Variants in SNRNP40 observed in about 807,000 individuals in gnomAD.
The protein encoded by SNRNP40 is U5 small nuclear ribonucleoprotein 40 kDa protein.
SNRNP40 carries 21 observed loss-of-function variants against 45.8 expected under a neutral mutation model. The observed-to-expected ratio is 0.46, with a 90% CI of 0.32 to 0.66. The LOEUF is 0.66. Among genes scored for constraint, SNRNP40 ranks in the 30% least tolerant of loss-of-function variants. The pLI, the probability that SNRNP40 is intolerant of heterozygous loss-of-function variation, is 0.03. For synonymous variants in SNRNP40, 142 were observed against 163.8 expected, an observed-to-expected ratio of 0.87 and a Z score of 1.01; for missense variants, 344 against 439.1, an observed-to-expected ratio of 0.78 and a Z score of 1.94.
At chr1:31,285,241 C>G (rs1212206658) in intron 4 of SNRNP40, among the ~76,000 whole-genome samples, 2 of 99,754 alleles carry the variant, frequency 2.0e-5, no homozygotes, top group South Asian at 2.6e-4. Flanking sequence ...TGCCTTATCA[C>G]CTTTTTTTTT....
At chr1:31,261,474 G>T in intron 9 of SNRNP40, 55 bp downstream of exon 9, 2 of 1,158,842 alleles carry the variant, frequency 1.7e-6, no homozygotes, top group South Asian at 1.2e-5. Flanking sequence ...CTATTCCCAG[G>T]ATCCCTACGG....
At chr1:31,280,953 T>A (rs574709532) in intron 5 of SNRNP40, among the ~76,000 whole-genome samples, 29 of 152,152 alleles carry the variant, frequency 1.9e-4, no homozygotes, top group Non-Finnish European at 4.1e-4. Context: ...CATTACCTTC[T>A]CTCATTCTTA....
At chr1:31,285,518 C>G (rs4949376) in intron 4 of SNRNP40, among the ~76,000 whole-genome samples, 7,769 of 152,214 alleles carry the variant, frequency 0.051, 406 homozygotes, top group East Asian at 0.2. Flanking sequence ...GGATTACAGG[C>G]ATAAGCCACT....
intron 7 of SNRNP40, 63 bp from the exon 8 acceptor site, chr1:31,267,995 A>G: frequency 8.7e-7 from 1 of 1,148,238 alleles, no homozygotes; most frequent in South Asian, 1.2e-5. Flanking sequence ...AGGCTACCGA[A>G]TCACTAAGAG....
chr1:31,267,043 T>C (rs764316552), intron 8 of SNRNP40, among the ~76,000 whole-genome samples: 14 of 152,150 alleles, frequency 9.2e-5, no homozygotes, highest in Middle Eastern at 3.4e-3. Flanking sequence ...CAAGAGGTAA[T>C]AGAGAGAGGG....
At chr1:31,292,553 C>T (rs374410821) in intron 2 of SNRNP40, among the ~76,000 whole-genome samples, 17 of 152,230 alleles carry the variant, frequency 1.1e-4, no homozygotes, top group Middle Eastern at 3.4e-3. Flanking sequence ...ATCATCCACC[C>T]GGCACCGAGG....
Position 31,296,693 on chromosome 1 carries a change from T to G in SNRNP40, c.59A>C (p.Gln20Pro). 1 of 1,613,948 alleles carries G rather than the reference T, an allele frequency of 6.2e-7. No individual in the cohort carries two copies. The highest frequency in any genetic ancestry group is 8.5e-7 in the Non-Finnish European group (1 of 1,179,904). ...CGCTCCCAACAGCAACTCATGCCGCTGCCGCTTGACTGGAACCAGCGGCAA... is the reference window on the plus strand; with the variant it reads ...CGCTCCCAACAGCAACTCATGCCGCGGCCGCTTGACTGGAACCAGCGGCAA... ...PELPLVPVKR[Q>P]RHELLLGAGS... The change falls in exon 1 of 10, where the codon CAG (glutamine) becomes CCG (proline). Residue 20 changes from glutamine to proline, a missense_variant. This residue lies in a region of SNRNP40 where 90 missense variants were observed against 58.9 expected (regional missense o/e 1.53). Coordinates refer to ENST00000263694, the MANE Select transcript of SNRNP40 (RefSeq NM_004814.3).
intron 8 of SNRNP40, among the ~76,000 whole-genome samples, chr1:31,264,510 T>C (rs1401788974): frequency 6.6e-6 from 1 of 152,218 alleles, no homozygotes; most frequent in African/African-American, 2.4e-5. Flanking sequence ...TTGCAGATCA[T>C]TTAACTTCTC....
chr1:31,271,012 C>T (rs1396953383), intron 6 of SNRNP40, among the ~76,000 whole-genome samples: 1 of 152,198 alleles, frequency 6.6e-6, no homozygotes, highest in Non-Finnish European at 1.5e-5. Flanking sequence ...ATCATCCAAG[C>T]TTGGTGCTCT....
intron 4 of SNRNP40, among the ~76,000 whole-genome samples, chr1:31,283,605 A>AAACC (rs1402004868): frequency 2.6e-5 from 4 of 152,258 alleles, no homozygotes; most frequent in Admixed American, 6.5e-5. Flanking sequence ...TTCGTCTCAA[A>AAACC]AACCAACCAA....
At chr1:31,283,267 A>T (rs758421699) in intron 4 of SNRNP40, among the ~76,000 whole-genome samples, 9 of 152,230 alleles carry the variant, frequency 5.9e-5, no homozygotes, top group Non-Finnish European at 1.3e-4. Context: ...TTCAGTGGTC[A>T]CACAGGACAA....
intron 1 of SNRNP40, among the ~76,000 whole-genome samples, chr1:31,295,266 G>A (rs1646136862): frequency 6.6e-6 from 1 of 152,164 alleles, no homozygotes; most frequent in Non-Finnish European, 1.5e-5. Context: ...AGGAGGCTGA[G>A]GCAGGAGGAT....
intron 3 of SNRNP40, among the ~76,000 whole-genome samples, chr1:31,289,976 C>A (rs905502102): frequency 6.6e-6 from 1 of 152,180 alleles, no homozygotes; most frequent in Non-Finnish European, 1.5e-5. Context: ...CCTCCCACCT[C>A]AGCCTCCTGA....
At position 31,259,974 on chromosome 1, in the gene SNRNP40, G is replaced by C; in HGVS notation, c.*98C>G. 1.1e-6 allele frequency: 1 copy of C among 888,094 alleles called. No homozygotes were observed. The highest frequency in any genetic ancestry group is 2.4e-5 in the East Asian group (1 of 41,302). 55.0% of individuals were successfully genotyped at this position (888,094 alleles called of 1,614,324 possible). A position where few individuals can be genotyped will look rare whatever the true frequency, so the allele number is the denominator to read the frequency against. On this transcript the variant is annotated 3_prime_UTR_variant, in exon 10 of 10. Transcript: ENST00000263694. ...TGTTTCTTGCTAGCAATGGTCATCT[G>C]AAGGGAGGGTGCTAGCCTGGACATC...
intron 4 of SNRNP40, 143 bp from the exon 5 acceptor site, chr1:31,281,639 T>G: frequency 1.8e-5 from 11 of 605,050 alleles, no homozygotes; most frequent in Non-Finnish European, 2.6e-5. Flanking sequence ...CTGGATATCC[T>G]AATAACACAC....
At chr1:31,291,284 G>A (rs1195456603) in intron 3 of SNRNP40, among the ~76,000 whole-genome samples, 6 of 35,448 alleles carry the variant, frequency 1.7e-4, no homozygotes, top group East Asian at 4.1e-4. Flanking sequence ...GTGAAATTCC[G>A]TCTCAAAAAA....
At position 31,289,438 on chromosome 1, in the gene SNRNP40, A is replaced by G; in HGVS notation, c.366-19T>C. On this transcript the variant is annotated intron_variant, in intron 3 of 9. Transcript: ENST00000263694. Reference sequence around the variant, plus strand: ...AAGCATACTAGAAAGTAAGAGAAAGAATAAAAAAGAAATAAGTGAAGATAA... The same window carrying G: ...AAGCATACTAGAAAGTAAGAGAAAGGATAAAAAAGAAATAAGTGAAGATAA... 1.2e-6 allele frequency: 2 copies of G among 1,600,566 alleles called. No individual in the cohort carries two copies. The highest frequency in any genetic ancestry group is 1.7e-6 in the Non-Finnish European group (2 of 1,169,878).
In SNRNP40 at chr1:31,281,660, G is replaced by C. The variant is rs886567776; in HGVS notation, c.532-164C>G. ...ATCCTAATAACACACATGGTAAGCA[G>C]TGTGCTCAATTTTGCCAAGACATTT... On this transcript the variant is annotated intron_variant, in intron 4 of 9. Transcript: ENST00000263694. 7.3e-6 allele frequency: 4 copies of C among 544,714 alleles called. No individual in the cohort carries two copies. In the East Asian group the frequency reaches 1.2e-4, roughly 17 times the overall value. 33.7% of individuals were successfully genotyped at this position (544,714 alleles called of 1,614,324 possible). A position where few individuals can be genotyped will look rare whatever the true frequency, so the allele number is the denominator to read the frequency against.
At chr1:31,289,447 GAAAT>G (rs1377192753) in intron 3 of SNRNP40, 28 bp from the exon 4 acceptor site, 1 of 1,586,142 alleles carries the variant, frequency 6.3e-7, no homozygotes, top group Non-Finnish European at 8.6e-7. Flanking sequence ...GAATAAAAAA[GAAAT>G]AAGTGAAGAT....
Sources: gnomAD v4.1 joint callset for allele counts (sites outside exome capture counted in the v4.1 genomes callset) on GRCh38, gnomAD v4.1.1 for gene constraint, gnomAD v4.1.1 regional missense constraint, MANE v1.5 for transcripts, NCBI Gene and HGNC (gene_info 2026-07-23, HGNC 2026-07-21) for gene names.